The following ECPAS variants were observed in gnomAD, a reference collection of about 807,000 sequenced individuals.
ECPAS encodes the protein Ecm29 proteasome adaptor and scaffold.
ECPAS carries 70 observed loss-of-function variants against 255.1 expected under a neutral mutation model. The ratio of observed to expected loss-of-function variants is 0.27; its 90% CI spans 0.23 to 0.33. The LOEUF is 0.33. ECPAS is among the 10% of genes least tolerant of loss of function. ECPAS has a pLI of 1.00. For synonymous variants in ECPAS, 784 were observed against 775.0 expected, an observed-to-expected ratio of 1.01 and a Z score of -0.19; for missense variants, 1,817 against 2,206.4, an observed-to-expected ratio of 0.82 and a Z score of 3.54.
rs2131627208 is a variant in ECPAS at position 111,394,905 on chromosome 9, G to A, written c.2777-600C>T. ...ATTTACATTAAGACCCTTCAAAATA[G>A]TTGTTTAAACTCATGTTCAAACTTT... On this transcript the variant is annotated intron_variant, in intron 25 of 49. Transcript: ENST00000684092. 3.9e-5 allele frequency among the ~76,000 whole-genome samples: 6 copies of A among 152,266 alleles called. No homozygotes were observed. In the South Asian group the frequency reaches 1.2e-3, roughly 32 times the overall value.
At chr9:111,400,790 G>T (rs2131659606) in intron 24 of ECPAS, among the ~76,000 whole-genome samples, 1 of 152,258 alleles carries the variant, frequency 6.6e-6, no homozygotes, top group Non-Finnish European at 1.5e-5. Flanking sequence ...CAGCTTCAAA[G>T]AGGCTAAGAG....
intron 23 of ECPAS, among the ~76,000 whole-genome samples, chr9:111,409,278 G>A (rs1003626145): frequency 6.6e-6 from 1 of 152,148 alleles, no homozygotes; most frequent in African/African-American, 2.4e-5. Flanking sequence ...TAGGAATTAG[G>A]CCAGGCTCGG....
chr9:111,414,288 A>C (rs2131741653), intron 19 of ECPAS, 141 bp downstream of exon 19: 2 of 715,232 alleles, frequency 2.8e-6, no homozygotes, highest in Non-Finnish European at 4.6e-6. Context: ...AGAATGAATC[A>C]GGTAAGTTTA....
intron 10 of ECPAS, among the ~76,000 whole-genome samples, chr9:111,426,951 T>C (rs768588408): frequency 4.6e-5 from 7 of 151,762 alleles, no homozygotes; most frequent in Non-Finnish European, 2.9e-5. Context: ...CCAGTCTGGG[T>C]GGCACAGAAA....
chr9:111,428,256 C>A, intron 9 of ECPAS, 95 bp from the exon 10 acceptor site: 1 of 1,272,224 alleles, frequency 7.9e-7, no homozygotes, highest in South Asian at 1.6e-5. Context: ...GTCTCTCAAA[C>A]TTTGTTTCAA....
At chr9:111,417,532 G>A (rs1479676637) in intron 17 of ECPAS, among the ~76,000 whole-genome samples, 1 of 152,070 alleles carries the variant, frequency 6.6e-6, no homozygotes, top group Non-Finnish European at 1.5e-5. Context: ...GATCACCTGA[G>A]GTCAGGAGTT....
rs770988127 is a variant in ECPAS, at chr9:111,425,373, T to C, written c.1215+45A>G. On this transcript the variant is annotated intron_variant, in intron 12 of 49. Coordinates refer to ENST00000684092, the MANE Select transcript of ECPAS (RefSeq NM_001364929.1). Reference sequence around the variant, plus strand: ...GACCAGAAATATTATAGAAAATACTTTAAGATATAAAATGTTGATAAAATT... The same window carrying C: ...GACCAGAAATATTATAGAAAATACTCTAAGATATAAAATGTTGATAAAATT... 1.2e-5 allele frequency: 15 copies of C among 1,243,856 alleles called. No individual in the cohort carries two copies. The South Asian group carries it at 1.9e-4, about 16-fold the overall frequency. 77.1% of individuals were successfully genotyped at this position (1,243,856 alleles called of 1,614,324 possible). A position where few individuals can be genotyped will look rare whatever the true frequency, so the allele number is the denominator to read the frequency against.
chr9:111,469,137 T>G (rs2098283181), intron 2 of ECPAS, among the ~76,000 whole-genome samples: 1 of 152,160 alleles, frequency 6.6e-6, no homozygotes, highest in South Asian at 2.1e-4. Flanking sequence ...TTTGGGAGGC[T>G]GAGGCAGGAG....
At position 111,411,845 on chromosome 9, in the gene ECPAS, G is replaced by A. The variant is rs528347821; in HGVS notation, c.2214+169C>T. On this transcript the variant is annotated intron_variant, in intron 21 of 49. Coordinates refer to ENST00000684092, the MANE Select transcript of ECPAS (RefSeq NM_001364929.1). ...CAGACACAGCACCCGTATCTGTTAA[G>A]TGAGCTGACTGAACCAATGTATCAC... is the stretch of plus-strand genomic sequence containing the variant. 1.3e-5 allele frequency: 7 copies of A among 556,694 alleles called. No homozygotes were observed. The East Asian group carries it at 2.3e-4, about 18-fold the overall frequency. The allele number at this position is 556,694 out of a possible 1,614,324, so 34.5% of individuals were successfully genotyped here.
At chr9:111,439,774 C>T (rs997647292) in intron 6 of ECPAS, among the ~76,000 whole-genome samples, 1 of 151,798 alleles carries the variant, frequency 6.6e-6, no homozygotes, top group Admixed American at 6.6e-5. Context: ...TTTTGCAAAT[C>T]GGGAAAAGCA....
At chr9:111,396,212 C>T (rs1244494578) in intron 25 of ECPAS, among the ~76,000 whole-genome samples, 2 of 152,002 alleles carry the variant, frequency 1.3e-5, no homozygotes, top group African/African-American at 2.4e-5. Context: ...TATTCTAGCT[C>T]AAATACTAAA....
chr9:111,374,480 G>A (rs1225102266), intron 38 of ECPAS, among the ~76,000 whole-genome samples: 6 of 151,962 alleles, frequency 3.9e-5, no homozygotes, highest in Non-Finnish European at 8.8e-5. Flanking sequence ...AGTATCATAC[G>A]GCCATTAGAA....
chr9:111,363,014 C>T (rs996334146), intron 49 of ECPAS, among the ~76,000 whole-genome samples: 1 of 151,946 alleles, frequency 6.6e-6, no homozygotes, highest in Non-Finnish European at 1.5e-5. Flanking sequence ...ATTCTTAATC[C>T]GTGAAAACAA....
intron 2 of ECPAS, among the ~76,000 whole-genome samples, chr9:111,457,100 T>C (rs937427959): frequency 6.6e-6 from 1 of 152,104 alleles, no homozygotes; most frequent in Non-Finnish European, 1.5e-5. Flanking sequence ...TCATGCAAGA[T>C]AAGAATTGAA....
intron 1 of ECPAS, among the ~76,000 whole-genome samples, chr9:111,481,261 C>T (rs1015920429): frequency 6.6e-6 from 1 of 152,200 alleles, no homozygotes; most frequent in African/African-American, 2.4e-5. Flanking sequence ...CTTTGGGAGG[C>T]CGAGGCGGGT....
At chr9:111,409,158 A>G (rs1361211578) in intron 23 of ECPAS, among the ~76,000 whole-genome samples, 1 of 152,242 alleles carries the variant, frequency 6.6e-6, no homozygotes, top group Non-Finnish European at 1.5e-5. Context: ...TCTCCGGCAC[A>G]TTAGAAGTGC....
chr9:111,478,217 C>T (rs549000899), intron 1 of ECPAS, among the ~76,000 whole-genome samples: 316 of 151,744 alleles, frequency 2.1e-3, no homozygotes, highest in African/African-American at 7.3e-3. Context: ...CAACTTCATG[C>T]TCAATGGTAT....
At chr9:111,439,825 T>C (rs935670414) in intron 6 of ECPAS, among the ~76,000 whole-genome samples, 2 of 151,488 alleles carry the variant, frequency 1.3e-5, no homozygotes, top group African/African-American at 2.4e-5. Flanking sequence ...GTGGAGCCGC[T>C]GGGAAAGAAA....
intron 2 of ECPAS, among the ~76,000 whole-genome samples, chr9:111,464,157 G>C (rs952794461): frequency 2.0e-5 from 3 of 151,912 alleles, no homozygotes; most frequent in African/African-American, 7.3e-5. Context: ...CAGGGGCTGA[G>C]TGTGGTGGCT....
Sources: allele counts gnomAD v4.1 joint callset (sites outside exome capture counted in the v4.1 genomes callset), GRCh38; gene constraint gnomAD v4.1.1; transcripts MANE v1.5; gene names NCBI Gene and HGNC (gene_info 2026-07-23, HGNC 2026-07-21).